LRRC7: variants seen among roughly 807,000 people sequenced by gnomAD.
LRRC7 encodes the protein leucine-rich repeat-containing protein 7.
LRRC7 carries 23 observed loss-of-function variants against 175.7 expected under a neutral mutation model. That is an observed-to-expected ratio of 0.13 (90% confidence interval 0.09 to 0.19). LRRC7 has a LOEUF of 0.19. Among genes scored for constraint, LRRC7 ranks in the 10% least tolerant of loss-of-function variants. The pLI, the probability that LRRC7 is intolerant of heterozygous loss-of-function variation, is 1.00. For missense variants in LRRC7, 1,354 were observed against 1,904.7 expected (o/e 0.71, Z 5.38); for synonymous variants, 685 against 680.9 (o/e 1.01, Z -0.09).
chr1:69,629,018 A>G (rs770589971), intron 1 of LRRC7, among the ~76,000 whole-genome samples: 6 of 152,178 alleles, frequency 3.9e-5, no homozygotes, highest in Non-Finnish European at 8.8e-5. Flanking sequence ...TAAGACTTCT[A>G]GAAGATTACA....
At chr1:69,988,405 GA>G (rs1045046462) in intron 10 of LRRC7, among the ~76,000 whole-genome samples, 4 of 150,764 alleles carry the variant, frequency 2.7e-5, no homozygotes. Flanking sequence ...CTCCATCTCT[GA>G]AAAAAAAATT....
chr1:69,924,378 A>G (rs571734428), intron 7 of LRRC7, among the ~76,000 whole-genome samples: 190 of 152,296 alleles, frequency 1.2e-3, no homozygotes, highest in Non-Finnish European at 2.1e-3. Flanking sequence ...CATTGAATCT[A>G]TAAATTACCT....
chr1:69,961,297 G>GGA (rs1651058733), intron 8 of LRRC7, among the ~76,000 whole-genome samples: 2 of 152,038 alleles, frequency 1.3e-5, no homozygotes, highest in African/African-American at 4.8e-5. Context: ...ATCTCTACAA[G>GGA]GAGAGCTACA....
At chr1:69,964,144 A>G (rs1192832956) in intron 8 of LRRC7, among the ~76,000 whole-genome samples, 1 of 152,200 alleles carries the variant, frequency 6.6e-6, no homozygotes, top group African/African-American at 2.4e-5. Flanking sequence ...TATTAGCTGT[A>G]TGACTTTGGG....
At chr1:69,579,580 G>C (rs1365504020) in intron 1 of LRRC7, among the ~76,000 whole-genome samples, 1 of 152,040 alleles carries the variant, frequency 6.6e-6, no homozygotes, top group Non-Finnish European at 1.5e-5. Flanking sequence ...CTCACAGCCT[G>C]GTGCAGAAAA....
At chr1:69,677,922 C>T (rs1660000235) in intron 1 of LRRC7, among the ~76,000 whole-genome samples, 2 of 152,074 alleles carry the variant, frequency 1.3e-5, no homozygotes, top group Admixed American at 1.3e-4. Flanking sequence ...TCCGTGTGTC[C>T]CCACATGGTG....
chr1:69,801,442 C>G (rs562712353), intron 4 of LRRC7, among the ~76,000 whole-genome samples: 1 of 151,542 alleles, frequency 6.6e-6, no homozygotes, highest in Non-Finnish European at 1.5e-5. Context: ...GTTCAATATT[C>G]GGAGGTTGTA....
At chr1:69,582,940 T>C (rs6668336) in intron 1 of LRRC7, among the ~76,000 whole-genome samples, 16,047 of 152,148 alleles carry the variant, frequency 0.11, 947 homozygotes, top group African/African-American at 0.14. Flanking sequence ...TGCCCTATTT[T>C]CCTAAGTTAT....
chr1:70,018,165 C>T (rs1657126559), intron 14 of LRRC7, among the ~76,000 whole-genome samples: 1 of 151,936 alleles, frequency 6.6e-6, no homozygotes, highest in South Asian at 2.1e-4. Flanking sequence ...TGAAATCAAA[C>T]TAATAACAGA....
At chr1:69,709,197 T>C (rs1006959696) in intron 2 of LRRC7, among the ~76,000 whole-genome samples, 3 of 152,162 alleles carry the variant, frequency 2.0e-5, no homozygotes, top group Non-Finnish European at 2.9e-5. Context: ...CAAAATAACA[T>C]AGTAAAGTTT....
intron 4 of LRRC7, among the ~76,000 whole-genome samples, chr1:69,796,477 C>A (rs918078403): frequency 6.6e-6 from 1 of 152,004 alleles, no homozygotes; most frequent in African/African-American, 2.4e-5. Context: ...CAGACAGAGT[C>A]CTCTTCACCT....
At chr1:69,648,322 G>T (rs1655296016) in intron 1 of LRRC7, among the ~76,000 whole-genome samples, 1 of 152,064 alleles carries the variant, frequency 6.6e-6, no homozygotes, top group Admixed American at 6.6e-5. Flanking sequence ...GTATGGTTCT[G>T]TGGGAGTCTA....
Position 69,613,494 on chromosome 1 carries a change from A to G in LRRC7, c.2+44853A>G, listed in dbSNP as rs114582113. ...TTGATTTTCACCTCAAATATCATGT[A>G]TGAGGTGCCTCTCAAATGATACCGC... On this transcript the variant is annotated intron_variant, in intron 1 of 26. Transcript: ENST00000651989. Among the ~76,000 whole-genome samples the G allele has an allele frequency of 7.7e-3, 1,169 of 152,142 alleles. 7 individuals are homozygous for G. The highest frequency in any genetic ancestry group is 0.013 in the Non-Finnish European group (892 of 67,974).
At chr1:69,953,109 T>G (rs1295975166) in intron 8 of LRRC7, among the ~76,000 whole-genome samples, 1 of 151,954 alleles carries the variant, frequency 6.6e-6, no homozygotes, top group Non-Finnish European at 1.5e-5. Flanking sequence ...CAGTTTACCT[T>G]TCTGGAGTGT....
chr1:69,627,366 G>T (rs377584198), intron 1 of LRRC7, among the ~76,000 whole-genome samples: 2 of 152,004 alleles, frequency 1.3e-5, no homozygotes, highest in East Asian at 1.9e-4. Context: ...GCTGCATAAA[G>T]GTCTTCTTTT....
In LRRC7 at chr1:70,127,529, A is replaced by G. The variant is rs1438658294; in HGVS notation, c.*5642A>G. ...GAAGTAAGGAGAAAAGACCTGAGAG[A>G]GGAGAAAATTTACTGGTTAACTTCA... On this transcript the variant is annotated 3_prime_UTR_variant, in exon 27 of 27. Coordinates refer to ENST00000651989, the MANE Select transcript of LRRC7 (RefSeq NM_001370785.2). Among the ~76,000 whole-genome samples the G allele has an allele frequency of 2.0e-5, 3 of 152,220 alleles. No individual in the cohort carries two copies. The highest frequency in any genetic ancestry group is 7.2e-5 in the African/African-American group (3 of 41,470).
chr1:69,700,063 CT>C (rs149451500), intron 2 of LRRC7, among the ~76,000 whole-genome samples: 29 of 152,262 alleles, frequency 1.9e-4, no homozygotes, highest in Non-Finnish European at 4.0e-4. Flanking sequence ...AATTCACCTT[CT>C]TTTTCAACAT....
At chr1:69,709,734 T>A (rs933906671) in intron 2 of LRRC7, among the ~76,000 whole-genome samples, 2 of 152,228 alleles carry the variant, frequency 1.3e-5, no homozygotes, top group Non-Finnish European at 2.9e-5. Context: ...TGGGGTCTCT[T>A]TCAGTTTATG....
chr1:69,746,319 G>A (rs1484482570), intron 2 of LRRC7, among the ~76,000 whole-genome samples: 5 of 151,768 alleles, frequency 3.3e-5, no homozygotes, highest in Non-Finnish European at 5.9e-5. Context: ...AAGTTTTTAG[G>A]CTCCAGTAGT....
Sources: allele counts gnomAD v4.1 joint callset (sites outside exome capture counted in the v4.1 genomes callset), GRCh38; gene constraint gnomAD v4.1.1; transcripts MANE v1.5; gene names NCBI Gene and HGNC (gene_info 2026-07-23, HGNC 2026-07-21).